Variants in SEC62 observed in about 807,000 individuals in gnomAD.
SEC62 encodes the protein translocation protein SEC62.
In SEC62, 10 loss-of-function variants were observed where a neutral mutation model predicts 47.5. The ratio of observed to expected loss-of-function variants is 0.21; its 90% CI spans 0.13 to 0.36. The LOEUF (loss-of-function observed/expected upper bound fraction) is 0.36. Among genes scored for constraint, SEC62 ranks in the 10% least tolerant of loss-of-function variants. The pLI, the probability that SEC62 is intolerant of heterozygous loss-of-function variation, is 1.00. For synonymous variants in SEC62, 136 were observed against 150.5 expected (o/e 0.90, Z 0.71); for missense variants, 327 against 464.1 (o/e 0.70, Z 2.71).
chr3:169,967,072 T>C (rs1452763855), intron 1 of SEC62, among the ~76,000 whole-genome samples: 1 of 151,786 alleles, frequency 6.6e-6, no homozygotes, highest in African/African-American at 2.4e-5. Context: ...GAGGTGGTGG[T>C]GGAGCAGCAG....
intron 6 of SEC62, among the ~76,000 whole-genome samples, chr3:169,986,367 A>G (rs1416555645): frequency 6.6e-6 from 1 of 152,186 alleles, no homozygotes; most frequent in African/African-American, 2.4e-5. Flanking sequence ...TTGACACATT[A>G]TCTGTTTTTT....
At chr3:169,970,807 C>G (rs1371457492) in intron 1 of SEC62, among the ~76,000 whole-genome samples, 1 of 152,090 alleles carries the variant, frequency 6.6e-6, no homozygotes, top group East Asian at 1.9e-4. Context: ...GTTGGTTTCT[C>G]TTTATTAGTG....
intron 3 of SEC62, among the ~76,000 whole-genome samples, chr3:169,979,440 A>G (rs1576859227): frequency 6.6e-6 from 1 of 152,224 alleles, no homozygotes; most frequent in African/African-American, 2.4e-5. Context: ...AATGTGATCT[A>G]TACCTTTTTA....
At chr3:169,977,392 G>A (rs1233439775) in intron 3 of SEC62, among the ~76,000 whole-genome samples, 1 of 152,022 alleles carries the variant, frequency 6.6e-6, no homozygotes, top group Non-Finnish European at 1.5e-5. Flanking sequence ...ACTTTTGCAG[G>A]AATTCCTATT....
rs907759112 is a variant in SEC62 at position 169,975,178 on chromosome 3, G to A, written c.37-430G>A. On this transcript the variant is annotated intron_variant, in intron 1 of 7. Transcript: ENST00000337002. The stretch of plus-strand genomic sequence containing the variant: ...CACCTGTAATACCAGCTACTTGGGA[G>A]GCTGAGGCAGGAGAGTCACTTGAAC... 1.3e-5 allele frequency among the ~76,000 whole-genome samples: 2 copies of A among 151,946 alleles called. 1 individual carries two copies. Among genetic ancestry groups the A allele is most frequent in the African/African-American group, 4.8e-5 (2 of 41,422 alleles).
At position 169,995,217 on chromosome 3, in the gene SEC62, C is replaced by G. The variant is rs1229463099; in HGVS notation, c.*2154C>G. The G allele has an allele frequency of 3.3e-5, 5 of 152,116 alleles. No individual in the cohort carries two copies. The East Asian group carries it at 9.6e-4, about 29-fold the overall frequency. 9.4% of individuals were successfully genotyped at this position (152,116 alleles called of 1,614,324 possible). On this transcript the variant is annotated 3_prime_UTR_variant, in exon 8 of 8. Transcript: ENST00000337002. The stretch of plus-strand genomic sequence containing the variant: ...TTTTTTTTTAAGAACTTCAGATTTG[C>G]TATGCTGCTGTAAGTAGAAAGCATG...
At chr3:169,977,100 T>C in intron 3 of SEC62, 49 bp downstream of exon 3, 1 of 1,334,816 alleles carries the variant, frequency 7.5e-7, no homozygotes, top group South Asian at 1.3e-5. Flanking sequence ...TTAAATTTTC[T>C]TCATAGTCCT....
chr3:169,978,905 C>T (rs1714906934), intron 3 of SEC62, among the ~76,000 whole-genome samples: 1 of 152,158 alleles, frequency 6.6e-6, no homozygotes, highest in African/African-American at 2.4e-5. Context: ...ATCTAGCAGC[C>T]TGTCTCCACA....
In SEC62 at chr3:169,992,806, A is replaced by T. The variant is rs1056843778; in HGVS notation, c.943A>T (p.Ser315Cys). The change falls in exon 8 of 8, where the codon AGT (serine) becomes TGT (cysteine). Residue 315 changes from serine (S) to cysteine (C), a missense_variant. Physicochemically the swap from Ser to Cys is moderately radical, Grantham distance 112. This residue lies in a region of SEC62 where 102 missense variants were observed against 108.8 expected (regional missense o/e 0.94). Transcript: ENST00000337002. This position sits in a 1 kb window ranked among gnomAD's most constrained non-coding sequence, Gnocchi z 4.0. Reference protein sequence around the residue: ...QKSDSEEKSDSEKKEDEEGKV... With the variant: ...QKSDSEEKSDCEKKEDEEGKV... Reference sequence around the variant, plus strand: ...GTCCGACAGTGAGGAAAAGTCAGACAGTGAGAAAAAGGAAGATGAGGAGGG... The same window carrying T: ...GTCCGACAGTGAGGAAAAGTCAGACTGTGAGAAAAAGGAAGATGAGGAGGG... 6.2e-7 allele frequency: 1 copy of T among 1,614,162 alleles called. No individual in the cohort carries two copies. The highest frequency in any genetic ancestry group is 1.1e-5 in the South Asian group (1 of 91,074).
rs192297099 is a variant in SEC62 at position 169,981,727 on chromosome 3, G to A, written c.252-980G>A. 2.4e-4 allele frequency among the ~76,000 whole-genome samples: 37 copies of A among 152,272 alleles called. No individual in the cohort carries two copies. In the East Asian group the frequency reaches 5.4e-3, roughly 22 times the overall value. On this transcript the variant is annotated intron_variant, in intron 3 of 7. Transcript: ENST00000337002. ...CCAAGCAACGTTGACTTAATCTGGG[G>A]TCAGATAAAAAATGAATAAAGCAAG...
intron 1 of SEC62, among the ~76,000 whole-genome samples, chr3:169,973,200 A>G (rs1023303288): frequency 2.0e-5 from 3 of 152,208 alleles, no homozygotes; most frequent in African/African-American, 7.2e-5. Context: ...CCTGATACTA[A>G]CATATATTAA....
intron 3 of SEC62, among the ~76,000 whole-genome samples, chr3:169,981,758 C>G (rs1714978802): frequency 6.6e-6 from 1 of 152,190 alleles, no homozygotes; most frequent in African/African-American, 2.4e-5. Flanking sequence ...GCAAGGATCT[C>G]TCTCTCTCTT....
chr3:169,972,037 A>G (rs1241588266), intron 1 of SEC62, among the ~76,000 whole-genome samples: 3 of 152,162 alleles, frequency 2.0e-5, no homozygotes, highest in East Asian at 1.9e-4. Context: ...TTTCCCATTT[A>G]TAGTCCAGTA....
chr3:169,974,709 C>T (rs988534530), intron 1 of SEC62, among the ~76,000 whole-genome samples: 6 of 152,154 alleles, frequency 3.9e-5, no homozygotes, highest in Admixed American at 6.5e-5. Flanking sequence ...ATGAGAAAGA[C>T]AGTCCCAGGA....
rs1258192398 is a variant in SEC62, at chr3:169,997,142, A to C, written c.*4079A>C. On this transcript the variant is annotated 3_prime_UTR_variant, in exon 8 of 8. Coordinates refer to ENST00000337002, the MANE Select transcript of SEC62 (RefSeq NM_003262.4). ...AAGCCCTTAAACCAATGGCTAAAGC[A>C]GTTAGTTGTGAGTTTCTGAGTAGGT... 1 of 152,258 alleles carries C rather than the reference A, an allele frequency of 6.6e-6. No individual in the cohort carries two copies. The highest frequency in any genetic ancestry group is 1.5e-5 in the Non-Finnish European group (1 of 68,048). 9.4% of individuals were successfully genotyped at this position (152,258 alleles called of 1,614,324 possible).
intron 3 of SEC62, among the ~76,000 whole-genome samples, chr3:169,980,078 C>T (rs886074931): frequency 1.3e-5 from 2 of 151,868 alleles, no homozygotes; most frequent in African/African-American, 2.4e-5. Context: ...AGTCTAGGCT[C>T]CAGGAATACA....
rs1271713146 is a variant in SEC62 at position 169,982,844 on chromosome 3, T to C, written c.389T>C (p.Ile130Thr). The change falls in exon 4 of 8, where the codon ATA becomes ACA. Residue 130 changes from isoleucine (I) to threonine (T), a missense_variant. By Grantham distance (89) the Ile-to-Thr change is moderately conservative. Transcript: ENST00000337002. ...EEDKKSKKEN[I>T]KDEKTKKEKE... ...GATAAAAAGAGCAAGAAAGAAAATA[T>C]AAAGGATGAGAAGACAAAAAAAGAA... The C allele has an allele frequency of 1.3e-6, 2 of 1,560,126 alleles. No homozygotes were observed. The highest frequency in any genetic ancestry group is 1.4e-5 in the African/African-American group (1 of 70,762).
chr3:169,988,256 G>A lies in SEC62; in HGVS notation c.627G>A (p.Ala209=), dbSNP rs149776314. ...MGLILVIAVI[A]ATLFPLWPAE... ...TTGTTCCAGTGATTGCAGTAATAGC[G>A]GCCACCCTCTTCCCCCTTTGGCCAG... The change falls in exon 7 of 8, where the codon GCG becomes GCA. Residue 209 remains alanine (A), a synonymous_variant. Coordinates refer to ENST00000337002, the MANE Select transcript of SEC62 (RefSeq NM_003262.4). The A allele has an allele frequency of 7.1e-5, 114 of 1,613,482 alleles. No individual in the cohort carries two copies. In the African/African-American group the frequency reaches 1.2e-3, roughly 16 times the overall value.
In SEC62 at chr3:169,993,127, AC is replaced by A; in HGVS notation, c.*66del. 1 of 1,115,368 alleles carries A rather than the reference AC, an allele frequency of 9.0e-7. No individual in the cohort carries two copies. Among genetic ancestry groups the A allele is most frequent in the Non-Finnish European group, 1.3e-6 (1 of 788,838 alleles). The allele number at this position is 1,115,368 out of a possible 1,614,324, so 69.1% of individuals were successfully genotyped here. On this transcript the variant is annotated 3_prime_UTR_variant, in exon 8 of 8. Transcript: ENST00000337002. ...GTTGGATTTTCTATGTTGGCTGATTACCATATTGAACACATGGCATTTGTAG... is the reference window on the plus strand; with the variant it reads ...GTTGGATTTTCTATGTTGGCTGATTACATATTGAACACATGGCATTTGTAG...
Sources: gnomAD v4.1 joint callset for allele counts (sites outside exome capture counted in the v4.1 genomes callset) on GRCh38, gnomAD v4.1.1 for gene constraint, gnomAD v4.1.1 regional missense constraint, Gnocchi (gnomAD v3.1) non-coding constraint, MANE v1.5 for transcripts, NCBI Gene and HGNC (gene_info 2026-07-23, HGNC 2026-07-21) for gene names.